PTN: variants seen among roughly 807,000 people sequenced by gnomAD.
PTN encodes the protein pleiotrophin, also known as heparin affin regulatory protein.
A neutral mutation model predicts 24.1 loss-of-function variants in PTN; 18 were observed. The ratio of observed to expected loss-of-function variants is 0.75; its 90% CI spans 0.52 to 1.11. The LOEUF is 1.11. Among genes scored for constraint, PTN ranks in the 50% least tolerant of loss-of-function variants. The probability of loss-of-function intolerance (pLI) is 0.00; values close to 1 mark genes in which losing one functional copy is unlikely to be tolerated. For synonymous variants in PTN, 78 were observed against 68.6 expected (o/e 1.14, Z -0.67); for missense variants, 163 against 198.8 (o/e 0.82, Z 1.08).
chr7:137,336,184 A>G (rs1383465102), intron 1 of PTN, among the ~76,000 whole-genome samples: 2 of 152,132 alleles, frequency 1.3e-5, no homozygotes, highest in Non-Finnish European at 2.9e-5. Context: ...GACCATTGAC[A>G]TTTACCACCA....
intron 1 of PTN, among the ~76,000 whole-genome samples, chr7:137,293,102 A>G (rs1261163173): frequency 6.6e-6 from 1 of 152,162 alleles, no homozygotes; most frequent in South Asian, 2.1e-4. Context: ...TCAAAATGTA[A>G]TAAGCCACAA....
At chr7:137,316,173 C>T (rs1413209253) in intron 1 of PTN, among the ~76,000 whole-genome samples, 2 of 152,176 alleles carry the variant, frequency 1.3e-5, no homozygotes, top group Non-Finnish European at 2.9e-5. Context: ...CAAGGCAGCT[C>T]ATTCCAAGAT....
chr7:137,253,861 T>C (rs543239182), intron 2 of PTN, among the ~76,000 whole-genome samples: 12 of 152,308 alleles, frequency 7.9e-5, no homozygotes, highest in African/African-American at 2.4e-4. Context: ...CTAAAACTAA[T>C]ATTAATTGAA....
At chr7:137,295,029 G>T (rs1809697579) in intron 1 of PTN, among the ~76,000 whole-genome samples, 1 of 152,066 alleles carries the variant, frequency 6.6e-6, no homozygotes, top group South Asian at 2.1e-4. Flanking sequence ...CAACAATCTA[G>T]ATCTCTCCTG....
At chr7:137,308,497 C>T (rs1809925402) in intron 1 of PTN, among the ~76,000 whole-genome samples, 1 of 152,174 alleles carries the variant, frequency 6.6e-6, no homozygotes, top group African/African-American at 2.4e-5. Context: ...AAGGGATTAT[C>T]CATCTACTTT....
intron 1 of PTN, among the ~76,000 whole-genome samples, chr7:137,329,017 T>G (rs907238606): frequency 3.3e-5 from 5 of 152,146 alleles, no homozygotes; most frequent in African/African-American, 1.2e-4. Context: ...TTAAGAATTT[T>G]GTGGTTAGAA....
intron 1 of PTN, among the ~76,000 whole-genome samples, chr7:137,267,067 A>G (rs982793372): frequency 3.9e-5 from 6 of 152,118 alleles, no homozygotes; most frequent in Non-Finnish European, 8.8e-5. Context: ...TTAATTATCA[A>G]TTATAGGTTT....
intron 1 of PTN, among the ~76,000 whole-genome samples, chr7:137,336,689 G>A (rs1327442061): frequency 6.6e-6 from 1 of 152,180 alleles, no homozygotes; most frequent in Non-Finnish European, 1.5e-5. Flanking sequence ...GATTTTGCTT[G>A]TATGTTTGTT....
intron 1 of PTN, among the ~76,000 whole-genome samples, chr7:137,273,428 C>T (rs1471628861): frequency 6.6e-5 from 10 of 152,180 alleles, no homozygotes; most frequent in African/African-American, 1.7e-4. Context: ...AACTCACTCA[C>T]AGTTCAGCAT....
At chr7:137,249,848 C>T (rs548122501) in intron 4 of PTN, among the ~76,000 whole-genome samples, 1 of 152,148 alleles carries the variant, frequency 6.6e-6, no homozygotes, top group Admixed American at 6.5e-5. Context: ...CCTAGACTCA[C>T]CACCTGCAGG....
At chr7:137,241,377 T>TA (rs1413779027) in intron 4 of PTN, among the ~76,000 whole-genome samples, 3 of 152,160 alleles carry the variant, frequency 2.0e-5, no homozygotes, top group African/African-American at 7.2e-5. Flanking sequence ...GTGTGAGCAA[T>TA]GCACTAAACT....
intron 4 of PTN, among the ~76,000 whole-genome samples, chr7:137,241,104 T>C (rs1436963818): frequency 6.6e-6 from 1 of 151,998 alleles, no homozygotes; most frequent in Non-Finnish European, 1.5e-5. Flanking sequence ...AGCAAGGAAG[T>C]GCCACACTTT....
intron 1 of PTN, among the ~76,000 whole-genome samples, chr7:137,338,413 CAGG>C (rs1171126602): frequency 6.6e-6 from 1 of 152,202 alleles, no homozygotes; most frequent in Non-Finnish European, 1.5e-5. Flanking sequence ...ACGAAGGAAT[CAGG>C]AGTTCAATTT....
intron 1 of PTN, among the ~76,000 whole-genome samples, chr7:137,297,041 GCAAAGAGGCTGATGC>G (rs1585034097): frequency 1.3e-5 from 2 of 152,196 alleles, no homozygotes; most frequent in East Asian, 3.9e-4. Flanking sequence ...AATGTGCATG[GCAAAGAGGCTGATGC>G]CACAGGGAAA....
chr7:137,292,850 G>A (rs1563214602), intron 1 of PTN, among the ~76,000 whole-genome samples: 1 of 152,116 alleles, frequency 6.6e-6, no homozygotes, highest in Non-Finnish European at 1.5e-5. Context: ...TCCATTTAGG[G>A]TCAAGTGGGT....
At chr7:137,279,828 T>C (rs944095365) in intron 1 of PTN, among the ~76,000 whole-genome samples, 11 of 152,322 alleles carry the variant, frequency 7.2e-5, no homozygotes, top group African/African-American at 2.6e-4. Flanking sequence ...GAGTGGAGGT[T>C]GATGAGGCTG....
At chr7:137,283,879 C>G (rs1809510850) in intron 1 of PTN, among the ~76,000 whole-genome samples, 1 of 150,106 alleles carries the variant, frequency 6.7e-6, no homozygotes, top group Admixed American at 6.6e-5. Context: ...ACACATAGTC[C>G]TACTCAATCT....
chr7:137,238,791 G>A (rs372557502), intron 4 of PTN, among the ~76,000 whole-genome samples: 4 of 152,224 alleles, frequency 2.6e-5, no homozygotes, highest in Admixed American at 2.0e-4. Flanking sequence ...GCAGGCTAAC[G>A]GCTTAGTATA....
chr7:137,283,713 T>C (rs1238504484), intron 1 of PTN, among the ~76,000 whole-genome samples: 7 of 152,136 alleles, frequency 4.6e-5, no homozygotes, highest in Admixed American at 2.6e-4. Flanking sequence ...CTAAAAAATA[T>C]GCCAAAAGAA....
Sources: allele counts gnomAD v4.1 joint callset (sites outside exome capture counted in the v4.1 genomes callset), GRCh38; gene constraint gnomAD v4.1.1; transcripts MANE v1.5; gene names NCBI Gene and HGNC (gene_info 2026-07-23, HGNC 2026-07-21).